AP3S2: variants seen among roughly 807,000 people sequenced by gnomAD.
AP3S2 encodes the protein AP-3 complex subunit sigma-2.
In AP3S2, 22 loss-of-function variants were observed where a neutral mutation model predicts 23.4. The observed-to-expected ratio is 0.94, with a 90% CI of 0.67 to 1.34. The LOEUF (loss-of-function observed/expected upper bound fraction) is 1.34, where lower values mean the gene tolerates loss of function less well. AP3S2 is among the 40% of genes most tolerant of loss of function. AP3S2 has a pLI of 0.00. For missense variants in AP3S2, 241 were observed against 236.9 expected, an observed-to-expected ratio of 1.02 and a Z score of -0.11; for synonymous variants, 86 against 87.1, an observed-to-expected ratio of 0.99 and a Z score of 0.07.
At chr15:89,843,213 A>C (rs188877035) in intron 4 of AP3S2, among the ~76,000 whole-genome samples, 1 of 146,552 alleles carries the variant, frequency 6.8e-6, no homozygotes, top group Non-Finnish European at 1.5e-5. Flanking sequence ...CAAACTCCCA[A>C]ACTCAGGTGA....
intron 4 of AP3S2, among the ~76,000 whole-genome samples, chr15:89,865,909 C>T (rs1167009430): frequency 6.6e-6 from 1 of 152,054 alleles, no homozygotes; most frequent in Non-Finnish European, 1.5e-5. Flanking sequence ...GTGATTCTTA[C>T]AAATAACACG....
At position 89,833,645 on chromosome 15, in the gene AP3S2, A is replaced by C. The variant is rs1245676725; in HGVS notation, c.*1870T>G. On this transcript the variant is annotated 3_prime_UTR_variant, in exon 6 of 6. Coordinates refer to ENST00000336418, the MANE Select transcript of AP3S2 (RefSeq NM_005829.5). Reference sequence around the variant, plus strand: ...ATGTACTGAAATGTCTGCCAGAAAAAAGAAAATCCAACCCCTCAAAAGAAT... The same window carrying C: ...ATGTACTGAAATGTCTGCCAGAAAACAGAAAATCCAACCCCTCAAAAGAAT... 6.6e-6 allele frequency: 1 copy of C among 152,232 alleles called. No individual in the cohort carries two copies. The highest frequency in any genetic ancestry group is 1.5e-5 in the Non-Finnish European group (1 of 68,048). 9.4% of individuals were successfully genotyped at this position (152,232 alleles called of 1,614,324 possible). A position where few individuals can be genotyped will look rare whatever the true frequency, so the allele number is the denominator to read the frequency against.
At position 89,843,685 on chromosome 15, in the gene AP3S2, G is replaced by C. The variant is rs570196394; in HGVS notation, c.346-5963C>G. Among the ~76,000 whole-genome samples the C allele has an allele frequency of 1.7e-3, 256 of 152,220 alleles. 1 individual carries two copies. Among genetic ancestry groups the C allele is most frequent in the Middle Eastern group, 0.01 (3 of 294 alleles). On this transcript the variant is annotated intron_variant, in intron 4 of 5. Coordinates refer to ENST00000336418, the MANE Select transcript of AP3S2 (RefSeq NM_005829.5). ...AGCTGGGCAGAAGTGGCATGTGCCT[G>C]TAATTCTAGCTACTTGGGAGGCTGG...
intron 3 of AP3S2, among the ~76,000 whole-genome samples, chr15:89,885,278 T>G (rs1474693174): frequency 6.6e-6 from 1 of 152,054 alleles, no homozygotes; most frequent in Non-Finnish European, 1.5e-5. Context: ...CACTGCAACC[T>G]CTGCCTCCCA....
chr15:89,856,788 G>A (rs1895849859), intron 4 of AP3S2, among the ~76,000 whole-genome samples: 1 of 149,742 alleles, frequency 6.7e-6, no homozygotes, highest in Non-Finnish European at 1.5e-5. Flanking sequence ...CATGAGAATT[G>A]CTTAAACCCG....
intron 3 of AP3S2, chr15:89,883,844 T>C (rs1465067441): frequency 1.3e-5 from 2 of 152,168 alleles, no homozygotes; most frequent in East Asian, 1.9e-4. Context: ...ACTATACAGG[T>C]TGAACACTTA....
chr15:89,856,191 G>T (rs1404861529), intron 4 of AP3S2, among the ~76,000 whole-genome samples: 2 of 152,142 alleles, frequency 1.3e-5, no homozygotes, highest in Non-Finnish European at 2.9e-5. Context: ...AAAGTGAAAA[G>T]TGAGCCCACC....
intron 4 of AP3S2, among the ~76,000 whole-genome samples, chr15:89,847,266 T>A (rs1007285468): frequency 6.7e-5 from 10 of 150,048 alleles, no homozygotes; most frequent in African/African-American, 2.0e-4. Flanking sequence ...AGCCTGTAGT[T>A]CCAGCTACTC....
intron 4 of AP3S2, among the ~76,000 whole-genome samples, chr15:89,858,075 T>C (rs888703285): frequency 6.6e-6 from 1 of 152,108 alleles, no homozygotes; most frequent in South Asian, 2.1e-4. Flanking sequence ...TTTGGAGTAA[T>C]GCATTACCTA....
chr15:89,887,104 T>C (rs1045172563), intron 3 of AP3S2, among the ~76,000 whole-genome samples: 5 of 152,210 alleles, frequency 3.3e-5, no homozygotes, highest in East Asian at 3.9e-4. Flanking sequence ...CCTTGAGCTC[T>C]TTCTATTATG....
Position 89,832,243 on chromosome 15 carries a change from G to A in AP3S2, c.*3272C>T, listed in dbSNP as rs991269191. 3.3e-5 allele frequency: 5 copies of A among 152,166 alleles called. No homozygotes were observed. The highest frequency in any genetic ancestry group is 9.7e-5 in the African/African-American group (4 of 41,440). The allele number at this position is 152,166 out of a possible 1,614,324, so 9.4% of individuals were successfully genotyped here. ...GAGGATGGCTTGAGGTAAGGAGTTA[G>A]AGACCAGCCTGTGCAACATAGTGAG... On this transcript the variant is annotated 3_prime_UTR_variant, in exon 6 of 6. Transcript: ENST00000336418.
At chr15:89,854,006 C>T (rs1596196436) in intron 4 of AP3S2, among the ~76,000 whole-genome samples, 1 of 51,722 alleles carries the variant, frequency 1.9e-5, no homozygotes, top group Non-Finnish European at 4.0e-5. Context: ...CCACCCCGTC[C>T]GGGAGGGACG....
Position 89,835,295 on chromosome 15 carries a change from G to T in AP3S2, c.*220C>A. On this transcript the variant is annotated 3_prime_UTR_variant, in exon 6 of 6. Transcript: ENST00000336418. ...ACATCTGCAGTGGCCGTATGCATCA[G>T]AGAACGGCATGACTGCACATGTGAG... is the stretch of plus-strand genomic sequence containing the variant. 1 of 712,698 alleles carries T rather than the reference G, an allele frequency of 1.4e-6. No individual in the cohort carries two copies. The highest frequency in any genetic ancestry group is 2.2e-6 in the Non-Finnish European group (1 of 455,360). The allele number at this position is 712,698 out of a possible 1,614,324, so 44.1% of individuals were successfully genotyped here.
chr15:89,859,073 T>C lies in AP3S2; in HGVS notation c.345+12402A>G, dbSNP rs148911559. The stretch of plus-strand genomic sequence containing the variant: ...GGGGTCTCACTTATTGCTCAGGCTG[T>C]TCTCAAACTCCTGGGCTCAAGTGAT... On this transcript the variant is annotated intron_variant, in intron 4 of 5. Coordinates refer to ENST00000336418, the MANE Select transcript of AP3S2 (RefSeq NM_005829.5). Among the ~76,000 whole-genome samples the C allele has an allele frequency of 8.7e-4, 132 of 151,994 alleles. 1 individual carries two copies. Among genetic ancestry groups the C allele is most frequent in the Middle Eastern group, 6.9e-3 (2 of 290 alleles).
chr15:89,872,856 G>A (rs1328411173), intron 3 of AP3S2, among the ~76,000 whole-genome samples: 1 of 152,192 alleles, frequency 6.6e-6, no homozygotes, highest in South Asian at 2.1e-4. Flanking sequence ...ATGGGCAAGA[G>A]CATTTAGATT....
intron 3 of AP3S2, among the ~76,000 whole-genome samples, chr15:89,879,393 C>T (rs772316434): frequency 1.3e-5 from 2 of 152,106 alleles, no homozygotes; most frequent in South Asian, 2.1e-4. Flanking sequence ...TATAGATGCA[C>T]GTGGAAGGAT....
In AP3S2 at chr15:89,833,570, C is replaced by T. The variant is rs563459036; in HGVS notation, c.*1945G>A. The T allele has an allele frequency of 6.6e-6, 1 of 152,296 alleles. No individual in the cohort carries two copies. The highest frequency in any genetic ancestry group is 6.5e-5 in the Admixed American group (1 of 15,296). The allele number at this position is 152,296 out of a possible 1,614,324, so 9.4% of individuals were successfully genotyped here. Reference sequence around the variant, plus strand: ...CTTACAGAAGGTACGAAATAAACGCCGATCTCCTTTATTCTGATCTCACAT... The same window carrying T: ...CTTACAGAAGGTACGAAATAAACGCTGATCTCCTTTATTCTGATCTCACAT... On this transcript the variant is annotated 3_prime_UTR_variant, in exon 6 of 6. Transcript: ENST00000336418.
At chr15:89,867,123 C>A (rs912651335) in intron 4 of AP3S2, among the ~76,000 whole-genome samples, 2 of 150,020 alleles carry the variant, frequency 1.3e-5, no homozygotes, top group African/African-American at 4.9e-5. Flanking sequence ...AACCTCCCTG[C>A]CTGATTCTCC....
At chr15:89,839,346 G>A (rs1417313055) in intron 4 of AP3S2, among the ~76,000 whole-genome samples, 1 of 152,128 alleles carries the variant, frequency 6.6e-6, no homozygotes, top group African/African-American at 2.4e-5. Flanking sequence ...ATTCCCTTGC[G>A]TGTGTGCCCA....
Sources: allele counts gnomAD v4.1 joint callset (sites outside exome capture counted in the v4.1 genomes callset), GRCh38; gene constraint gnomAD v4.1.1; transcripts MANE v1.5; gene names NCBI Gene and HGNC (gene_info 2026-07-23, HGNC 2026-07-21).